Variants in HOXA10 observed in about 807,000 individuals in gnomAD.
HOXA10 encodes the protein homeobox protein Hox-A10.
HOXA10 carries 12 observed loss-of-function variants against 29.7 expected under a neutral mutation model. The ratio of observed to expected loss-of-function variants is 0.40; its 90% CI spans 0.26 to 0.65. HOXA10 has a LOEUF of 0.65. HOXA10 is among the 30% of genes least tolerant of loss of function. The pLI, the probability that HOXA10 is intolerant of heterozygous loss-of-function variation, is 0.37. For synonymous variants in HOXA10, 327 were observed against 280.7 expected, an observed-to-expected ratio of 1.16 and a Z score of -1.65; for missense variants, 656 against 585.9, an observed-to-expected ratio of 1.12 and a Z score of -1.24.
rs528609608 is a variant in HOXA10 at position 27,170,979 on chromosome 7, G to A, written c.*920C>T. On this transcript the variant is annotated 3_prime_UTR_variant, in exon 2 of 2. Coordinates refer to ENST00000283921, the MANE Select transcript of HOXA10 (RefSeq NM_018951.4). ...AAAACAAACAAAAAAAAAACTTTTT[G>A]TTCAAGGCGATTTAAAAAAACAACT... 939 of 449,450 alleles carry A rather than the reference G, an allele frequency of 2.1e-3. 12 individuals carry two copies. The highest frequency in any genetic ancestry group is 0.014 in the South Asian group (899 of 64,192). The allele number at this position is 449,450 out of a possible 1,614,324, so 27.8% of individuals were successfully genotyped here. A position where few individuals can be genotyped will look rare whatever the true frequency, so the allele number is the denominator to read the frequency against.
chr7:27,174,103 G>C lies in HOXA10; in HGVS notation c.204C>G (p.Ala68=). Reference sequence around the variant, plus strand: ...TCTGCAGCCCGTAGGGCAGGTCGGCGGCGGGCGGCAGGTAGACCCCGCCGT... The same window carrying C: ...TCTGCAGCCCGTAGGGCAGGTCGGCCGCGGGCGGCAGGTAGACCCCGCCGT... The part of the protein sequence containing the change: ...YAHGGVYLPP[A]ADLPYGLQSC... The change falls in exon 1 of 2, where the codon GCC becomes GCG. Residue 68 remains alanine, a synonymous_variant. Coordinates refer to ENST00000283921, the MANE Select transcript of HOXA10 (RefSeq NM_018951.4). 3 of 1,572,602 alleles carry C rather than the reference G, an allele frequency of 1.9e-6. No homozygotes were observed. The highest frequency in any genetic ancestry group is 2.6e-6 in the Non-Finnish European group (3 of 1,166,660).
At position 27,171,354 on chromosome 7, in the gene HOXA10, C is replaced by T. The variant is rs1438357956; in HGVS notation, c.*545G>A. 2 of 454,260 alleles carry T rather than the reference C, an allele frequency of 4.4e-6. No homozygotes were observed. Among genetic ancestry groups the T allele is most frequent in the African/African-American group, 2.0e-5 (1 of 50,002 alleles). The allele number at this position is 454,260 out of a possible 1,614,324, so 28.1% of individuals were successfully genotyped here. On this transcript the variant is annotated 3_prime_UTR_variant, in exon 2 of 2. Coordinates refer to ENST00000283921, the MANE Select transcript of HOXA10 (RefSeq NM_018951.4). ...AACCTGCATGTCCATGCCTGTAAGC[C>T]CTTCTCTTGGCCAAGGAAGAAAGGA...
At chr7:27,172,222 G>C in intron 1 of HOXA10, 49 bp from the exon 2 acceptor site, 2 of 1,591,508 alleles carry the variant, frequency 1.3e-6, no homozygotes, top group Non-Finnish European at 1.7e-6. Flanking sequence ...AGGCCACACG[G>C]GCTGCCCGCG....
Position 27,173,484 on chromosome 7 carries a change from G to A in HOXA10, c.823C>T (p.Pro275Ser), listed in dbSNP as rs1306273370. The part of the protein sequence containing the change: ...RKERALDSPP[P>S]PTLACGSGGG... The stretch of plus-strand genomic sequence containing the variant: ...CCGCTGCCGCAAGCCAGCGTGGGGG[G>A]CGGCGGCGAATCGAGGGCTCGCTCC... The change falls in exon 1 of 2, where the codon CCC becomes TCC. Residue 275 changes from proline (P) to serine (S), a missense_variant. By Grantham distance (74) the Pro-to-Ser change is moderately conservative (BLOSUM62 -1). Coordinates refer to ENST00000283921, the MANE Select transcript of HOXA10 (RefSeq NM_018951.4). 1.9e-6 allele frequency: 3 copies of A among 1,553,122 alleles called. No individual in the cohort carries two copies. Among genetic ancestry groups the A allele is most frequent in the East Asian group, 4.8e-5 (2 of 41,782 alleles).
At chr7:27,176,508 C>T (rs2115455424), upstream of HOXA10, among the ~76,000 whole-genome samples, 1 of 152,366 alleles carries the variant, frequency 6.6e-6, no homozygotes, top group African/African-American at 2.4e-5. Context: ...CTTAGCAATG[C>T]CACCTGGAAA....
chr7:27,173,236 A>G (rs1783549297), intron 1 of HOXA10, 113 bp downstream of exon 1: 3 of 1,516,648 alleles, frequency 2.0e-6, no homozygotes, highest in South Asian at 2.4e-5. Flanking sequence ...GCCTGCCTGC[A>G]GCTTGGGCCA....
rs1783512802 is a variant in HOXA10 at position 27,172,159 on chromosome 7, C to G, written c.973G>C (p.Glu325Gln). The change falls in exon 2 of 2, where the codon GAA becomes CAA. Residue 325 changes from glutamate to glutamine, a missense_variant. Glu to Gln is a conservative substitution (Grantham distance 29). Around this residue, in one of 2 missense-constraint regions of HOXA10, gnomAD observed 594 missense variants for 491.9 expected, o/e 1.21. Coordinates refer to ENST00000283921, the MANE Select transcript of HOXA10 (RefSeq NM_018951.4). ...GCCGTGAGCCAGTTGGCTGCGTTTT[C>G]ACCTTTGGAATTGCCTGGCATGTAA... ...EKDSLGNSKG[E>Q]NAANWLTAKS... The G allele has an allele frequency of 1.2e-6, 2 of 1,613,708 alleles. No homozygotes were observed. The highest frequency in any genetic ancestry group is 2.2e-5 in the South Asian group (2 of 91,056).
At position 27,171,378 on chromosome 7, in the gene HOXA10, G is replaced by A; in HGVS notation, c.*521C>T. 6.6e-6 allele frequency: 3 copies of A among 454,570 alleles called. No homozygotes were observed. Among genetic ancestry groups the A allele is most frequent in the South Asian group, 3.1e-5 (2 of 64,488 alleles). 28.2% of individuals were successfully genotyped at this position (454,570 alleles called of 1,614,324 possible). On this transcript the variant is annotated 3_prime_UTR_variant, in exon 2 of 2. Transcript: ENST00000283921. Reference sequence around the variant, plus strand: ...CCCTTCTCTTGGCCAAGGAAGAAAGGAAGAAAGAAAAAAGAAACCCAGGGG... The same window carrying A: ...CCCTTCTCTTGGCCAAGGAAGAAAGAAAGAAAGAAAAAAGAAACCCAGGGG...
At chr7:27,175,836 T>C (rs1250734665), upstream of HOXA10, among the ~76,000 whole-genome samples, 3 of 152,198 alleles carry the variant, frequency 2.0e-5, no homozygotes, top group Non-Finnish European at 2.9e-5. Flanking sequence ...TGGGAAAGAC[T>C]CTTGCATCCG....
At chr7:27,175,407 C>T (rs544347229), upstream of HOXA10, among the ~76,000 whole-genome samples, 6 of 152,222 alleles carry the variant, frequency 3.9e-5, no homozygotes, top group African/African-American at 1.4e-4. Flanking sequence ...TCCCCTCTTC[C>T]CCTCCCTCCC....
At chr7:27,178,157 G>A (rs1178442672), upstream of HOXA10, among the ~76,000 whole-genome samples, 2 of 152,222 alleles carry the variant, frequency 1.3e-5, no homozygotes, top group Non-Finnish European at 2.9e-5. Context: ...ATGCTTTCAA[G>A]ACTCTGAATT....
Position 27,173,547 on chromosome 7 carries a change from G to A in HOXA10, c.760C>T (p.Pro254Ser), listed in dbSNP as rs1273846295. 2 of 1,454,842 alleles carry A rather than the reference G, an allele frequency of 1.4e-6. No homozygotes were observed. Among genetic ancestry groups the A allele is most frequent in the East Asian group, 5.7e-5 (2 of 35,386 alleles). The allele number at this position is 1,454,842 out of a possible 1,614,324, so 90.1% of individuals were successfully genotyped here. The part of the protein sequence containing the change: ...QPPGRGFDLP[P>S]ALASGSADAA... The stretch of plus-strand genomic sequence containing the variant: ...TCGGCCGAGCCGGAGGCTAGCGCGG[G>A]CGGGAGATCGAAACCGCGCCCCGGG... Residue 254 changes from proline (P) to serine (S), a missense_variant, in exon 1 of 2, where the codon CCC becomes TCC. Coordinates refer to ENST00000283921, the MANE Select transcript of HOXA10 (RefSeq NM_018951.4).
upstream of HOXA10, among the ~76,000 whole-genome samples, chr7:27,178,368 A>T (rs1212323372): frequency 6.6e-6 from 1 of 152,226 alleles, no homozygotes; most frequent in Admixed American, 6.5e-5. Flanking sequence ...GGGATATTTG[A>T]TGTGTCTGTT....
chr7:27,173,742 C>T lies in HOXA10; in HGVS notation c.565G>A (p.Ala189Thr), dbSNP rs1783578017. 6.3e-7 allele frequency: 1 copy of T among 1,599,148 alleles called. No individual in the cohort carries two copies. The highest frequency in any genetic ancestry group is 1.3e-5 in the African/African-American group (1 of 74,644). ...GGCGGCGGGCCCCGCGGGAAGGGAG[C>T]CAGTTCGGCGGCGGTGGCCGAGACT... ...PKVSATAAEL[A>T]PFPRGPPPDG... Residue 189 changes from alanine (A) to threonine (T), a missense_variant, in exon 1 of 2, where the codon GCT (alanine) becomes ACT (threonine). Around this residue, in one of 2 missense-constraint regions of HOXA10, gnomAD observed 594 missense variants for 491.9 expected, o/e 1.21. Transcript: ENST00000283921.
At chr7:27,176,001 A>C (rs1783649552), upstream of HOXA10, among the ~76,000 whole-genome samples, 1 of 152,226 alleles carries the variant, frequency 6.6e-6, no homozygotes, top group Admixed American at 6.5e-5. Flanking sequence ...CGCTGCGGGC[A>C]GTGGCTGCTC....
At position 27,173,587 on chromosome 7, in the gene HOXA10, C is replaced by T. The variant is rs1783570300; in HGVS notation, c.720G>A (p.Pro240=). The T allele has an allele frequency of 6.7e-7, 1 of 1,489,896 alleles. No homozygotes were observed. 92.3% of individuals were successfully genotyped at this position (1,489,896 alleles called of 1,614,324 possible). The part of the protein sequence containing the change: ...GGGAQQLGAG[P]FPAQPPGRGF... ...CGCGCCCCGGGGGCTGCGCGGGGAA[C>T]GGGCCAGCCCCGAGTTGCTGCGCGC... The change falls in exon 1 of 2, where the codon CCG becomes CCA. Residue 240 remains proline, a synonymous_variant. Coordinates refer to ENST00000283921, the MANE Select transcript of HOXA10 (RefSeq NM_018951.4).
At position 27,173,351 on chromosome 7, in the gene HOXA10, A is replaced by G. The variant is rs760417839; in HGVS notation, c.956T>C (p.Leu319Pro). The change falls in exon 1 of 2, where the codon CTG (leucine) becomes CCG (proline). Residue 319 changes from leucine (L) to proline (P), a missense_variant and splice_region_variant. Physicochemically the swap from Leu to Pro is moderately conservative, Grantham distance 98. This residue lies in a region of HOXA10 where 594 missense variants were observed against 491.9 expected (regional missense o/e 1.21). Transcript: ENST00000283921. ...SSKASPEKDS[L>P]GNSKGENAAN... ...CAGCCCTCTGCAGCCCTGCTTACCC[A>G]GGGAATCCTTCTCCGGCGAGGCTTT... 6.8e-6 allele frequency: 11 copies of G among 1,611,454 alleles called. No homozygotes were observed. The East Asian group carries it at 1.6e-4, about 23-fold the overall frequency.
chr7:27,170,815 T>C lies in HOXA10; in HGVS notation c.*1084A>G, dbSNP rs925272825. ...TATACAGATTTGTATTTATAGTTTT[T>C]TTCTTTTTCTGCATCTACAGGTTTG... On this transcript the variant is annotated 3_prime_UTR_variant, in exon 2 of 2. Transcript: ENST00000283921. 2 of 453,194 alleles carry C rather than the reference T, an allele frequency of 4.4e-6. No homozygotes were observed. Among genetic ancestry groups the C allele is most frequent in the African/African-American group, 4.0e-5 (2 of 49,906 alleles). 28.1% of individuals were successfully genotyped at this position (453,194 alleles called of 1,614,324 possible). A position where few individuals can be genotyped will look rare whatever the true frequency, so the allele number is the denominator to read the frequency against.
At chr7:27,176,379 G>A (rs553377186), upstream of HOXA10, among the ~76,000 whole-genome samples, 1 of 152,234 alleles carries the variant, frequency 6.6e-6, no homozygotes, top group African/African-American at 2.4e-5. Context: ...TGAGACGGAC[G>A]AACCTGAGTG....
Sources: gnomAD v4.1 joint callset for allele counts (sites outside exome capture counted in the v4.1 genomes callset) on GRCh38, gnomAD v4.1.1 for gene constraint, gnomAD v4.1.1 regional missense constraint, MANE v1.5 for transcripts, NCBI Gene and HGNC (gene_info 2026-07-23, HGNC 2026-07-21) for gene names.